The following CCSER1 variants were observed in gnomAD, a reference collection of about 807,000 sequenced individuals.
The protein encoded by CCSER1 is coiled-coil serine rich protein 1, also known as serine-rich coiled-coil domain-containing protein 1.
Under a neutral mutation model 82.0 loss-of-function variants are expected in CCSER1, and 41 were observed. The ratio of observed to expected loss-of-function variants is 0.50; its 90% confidence interval spans 0.39 to 0.65. The LOEUF is 0.65. Among genes scored for constraint, CCSER1 ranks in the 30% least tolerant of loss-of-function variants. The pLI, the probability that CCSER1 is intolerant of heterozygous loss-of-function variation, is 0.00. For missense variants in CCSER1, 1,119 were observed against 1,064.2 expected (o/e 1.05, Z -0.72); for synonymous variants, 414 against 383.9 (o/e 1.08, Z -0.92).
chr4:90,592,866 CT>C (rs1782876108), intron 5 of CCSER1, among the ~76,000 whole-genome samples: 1 of 152,084 alleles, frequency 6.6e-6, no homozygotes, highest in African/African-American at 2.4e-5. Flanking sequence ...CAAATTCTGG[CT>C]GTATGTGTTA....
intron 10 of CCSER1, among the ~76,000 whole-genome samples, chr4:91,392,363 GCACACACA>G (rs142343973): frequency 6.8e-6 from 1 of 148,118 alleles, no homozygotes; most frequent in Non-Finnish European, 1.5e-5. Flanking sequence ...ACCTACACAT[GCACACACA>G]CACACACACA....
intron 4 of CCSER1, among the ~76,000 whole-genome samples, chr4:90,443,501 A>C (rs1034774909): frequency 3.9e-5 from 6 of 152,142 alleles, no homozygotes; most frequent in Admixed American, 1.3e-4. Context: ...CATGCTACTC[A>C]GAATGGGGTT....
chr4:90,723,894 C>T lies in CCSER1; in HGVS notation c.1933-20C>T. ...ACTACAAAACAATCCTAATTAAATT[C>T]AATTTCACTGTCCTTGCAGAGTGCA... On this transcript the variant is annotated intron_variant, in intron 6 of 10. Coordinates refer to ENST00000509176, the MANE Select transcript of CCSER1 (RefSeq NM_001145065.2). The T allele has an allele frequency of 7.3e-7, 1 of 1,361,208 alleles. No homozygotes were observed. The highest frequency in any genetic ancestry group is 9.8e-7 in the Non-Finnish European group (1 of 1,019,964). The allele number at this position is 1,361,208 out of a possible 1,614,324, so 84.3% of individuals were successfully genotyped here.
intron 1 of CCSER1, among the ~76,000 whole-genome samples, chr4:90,194,642 T>C (rs1165767776): frequency 6.6e-6 from 1 of 152,050 alleles, no homozygotes; most frequent in Non-Finnish European, 1.5e-5. Flanking sequence ...TCTGATCTCA[T>C]TTTTGTGGTA....
chr4:90,430,713 T>C (rs536712821), intron 4 of CCSER1, among the ~76,000 whole-genome samples: 70 of 151,936 alleles, frequency 4.6e-4, no homozygotes, highest in African/African-American at 1.5e-3. Context: ...GTTCTGCTAG[T>C]AAATAATCTC....
intron 8 of CCSER1, among the ~76,000 whole-genome samples, chr4:90,895,983 A>G (rs7673643): frequency 2.0e-5 from 3 of 151,742 alleles, no homozygotes; most frequent in African/African-American, 7.3e-5. Flanking sequence ...GAGAGAACAC[A>G]GTTAAATGGT....
intron 1 of CCSER1, among the ~76,000 whole-genome samples, chr4:90,198,241 C>G (rs1055019384): frequency 6.6e-6 from 1 of 151,976 alleles, no homozygotes; most frequent in Non-Finnish European, 1.5e-5. Flanking sequence ...ATGAAAGTTC[C>G]TTTCTTTTTC....
intron 4 of CCSER1, among the ~76,000 whole-genome samples, chr4:90,409,709 G>T (rs1170569450): frequency 6.6e-6 from 1 of 152,186 alleles, no homozygotes; most frequent in African/African-American, 2.4e-5. Flanking sequence ...AGGCTAGGAA[G>T]AAACTGCATC....
At chr4:90,481,670 G>T (rs545893014) in intron 5 of CCSER1, among the ~76,000 whole-genome samples, 1 of 152,106 alleles carries the variant, frequency 6.6e-6, no homozygotes, top group East Asian at 1.9e-4. Flanking sequence ...GCTGGATTAC[G>T]TTTATTGATT....
chr4:91,439,942 C>T (rs1184091366), intron 10 of CCSER1, among the ~76,000 whole-genome samples: 4 of 152,124 alleles, frequency 2.6e-5, no homozygotes, highest in Admixed American at 2.0e-4. Flanking sequence ...GCACCCAATA[C>T]AGGAGCACCC....
chr4:90,247,720 G>A (rs959776856), intron 1 of CCSER1, among the ~76,000 whole-genome samples: 2 of 151,836 alleles, frequency 1.3e-5, no homozygotes, highest in South Asian at 2.1e-4. Flanking sequence ...AATAAATTAC[G>A]TATTTATAGG....
intron 10 of CCSER1, among the ~76,000 whole-genome samples, chr4:91,352,965 T>C (rs989790954): frequency 2.6e-5 from 4 of 151,918 alleles, no homozygotes; most frequent in African/African-American, 4.8e-5. Flanking sequence ...AGACAGTGTA[T>C]GGGAAGAGGG....
intron 3 of CCSER1, among the ~76,000 whole-genome samples, chr4:90,364,949 G>C (rs1746007922): frequency 6.6e-6 from 1 of 151,774 alleles, no homozygotes; most frequent in Non-Finnish European, 1.5e-5. Flanking sequence ...TTCATGGTGT[G>C]ATAAAGAACC....
intron 10 of CCSER1, among the ~76,000 whole-genome samples, chr4:91,155,143 A>G (rs1184996411): frequency 2.0e-5 from 3 of 151,872 alleles, no homozygotes; most frequent in Non-Finnish European, 4.4e-5. Flanking sequence ...GAAATGTGAT[A>G]TGGTTTGGCT....
chr4:90,753,384 T>A (rs1021111391), intron 7 of CCSER1, among the ~76,000 whole-genome samples: 12 of 152,100 alleles, frequency 7.9e-5, no homozygotes, highest in African/African-American at 2.9e-4. Flanking sequence ...AAATTTTATG[T>A]CAAAGAGGCA....
At chr4:90,447,284 G>A (rs981902305) in intron 4 of CCSER1, among the ~76,000 whole-genome samples, 2 of 151,962 alleles carry the variant, frequency 1.3e-5, no homozygotes, top group Admixed American at 6.6e-5. Flanking sequence ...ATATGTAGTG[G>A]TGCAAAAAGT....
chr4:90,809,927 T>C (rs6821319), intron 7 of CCSER1, among the ~76,000 whole-genome samples: 51,612 of 151,780 alleles, frequency 0.34, 8,984 homozygotes, highest in East Asian at 0.42. Context: ...TTCTTTGTAG[T>C]TCAGTATGGA....
intron 9 of CCSER1, among the ~76,000 whole-genome samples, chr4:91,017,559 G>A (rs915128758): frequency 6.6e-6 from 1 of 152,006 alleles, no homozygotes; most frequent in African/African-American, 2.4e-5. Flanking sequence ...TTCTTAACCT[G>A]TCATTTGAAT....
intron 8 of CCSER1, among the ~76,000 whole-genome samples, chr4:90,842,657 G>A (rs1031708964): frequency 4.6e-5 from 7 of 152,162 alleles, no homozygotes; most frequent in African/African-American, 1.7e-4. Context: ...GAAATAGTAA[G>A]AAATGGGCTT....
Sources: allele counts gnomAD v4.1 joint callset (sites outside exome capture counted in the v4.1 genomes callset), GRCh38; gene constraint gnomAD v4.1.1; transcripts MANE v1.5; gene names NCBI Gene and HGNC (gene_info 2026-07-23, HGNC 2026-07-21).